The following TRPM1 variants were observed in gnomAD, a reference collection of about 807,000 sequenced individuals.
TRPM1 encodes the protein TRPM1-203 APA Isoform, Intron 10.
TRPM1 carries 113 observed loss-of-function variants against 149.4 expected under a neutral mutation model. That is an observed-to-expected ratio of 0.76 (90% confidence interval 0.65 to 0.88). The LOEUF is 0.88. Ranked by LOEUF, TRPM1 falls within the 40% of genes least tolerant of loss-of-function variation. The probability of loss-of-function intolerance (pLI) is 0.00; values close to 1 mark genes in which losing one functional copy is unlikely to be tolerated. For missense variants in TRPM1, 1,976 were observed against 2,038.7 expected, an observed-to-expected ratio of 0.97 and a Z score of 0.59; for synonymous variants, 741 against 759.5, an observed-to-expected ratio of 0.98 and a Z score of 0.40.
chr15:31,155,323 G>T (rs534628493), intron 1 of TRPM1, among the ~76,000 whole-genome samples: 1 of 151,842 alleles, frequency 6.6e-6, no homozygotes, highest in South Asian at 2.1e-4. Flanking sequence ...AGACTGCAGT[G>T]GGGGAGCTTG....
At chr15:31,072,000 TATATATATATATATATATAGAGAGAGAG>T (rs1444109976) in intron 3 of TRPM1, among the ~76,000 whole-genome samples, 4 of 64,116 alleles carry the variant, frequency 6.2e-5, no homozygotes, top group East Asian at 6.5e-4. Flanking sequence ...TATATATATA[TATATATATATATATATATAGAGAGAGAG>T]AGAGAGAGAG....
At chr15:31,005,402 C>T (rs1056039269) in intron 27 of TRPM1, among the ~76,000 whole-genome samples, 2 of 152,112 alleles carry the variant, frequency 1.3e-5, no homozygotes, top group African/African-American at 4.8e-5. Context: ...GAAAAACAAA[C>T]CTCAAAGTCA....
At chr15:31,112,232 C>T (rs2035699977) in intron 1 of TRPM1, among the ~76,000 whole-genome samples, 1 of 152,062 alleles carries the variant, frequency 6.6e-6, no homozygotes, top group African/African-American at 2.4e-5. Flanking sequence ...GCCTGTAATC[C>T]CTTTAGGAGG....
chr15:31,119,839 G>A (rs1009777517), intron 1 of TRPM1, among the ~76,000 whole-genome samples: 6 of 152,052 alleles, frequency 3.9e-5, no homozygotes, highest in Non-Finnish European at 7.4e-5. Context: ...GCAAACTCTA[G>A]AGCAACCACT....
At position 31,002,948 on chromosome 15, in the gene TRPM1, T is replaced by G. The variant is rs17227996; in HGVS notation, c.3752A>C (p.Asn1251Thr). The G allele has an allele frequency of 0.052, 83,183 of 1,601,860 alleles. 2,567 individuals are homozygous for G. Among genetic ancestry groups the G allele is most frequent in the Non-Finnish European group, 0.061 (71,529 of 1,172,604 alleles). ...GATTCCCGCAAGATTTTCAAGAGCA[T>G]TCACCATTCTGTTAGATAATTCTTC... is the stretch of plus-strand genomic sequence containing the variant. Reference protein sequence around the residue: ...QLEELSNRMVNALENLAGIDR... With the variant: ...QLEELSNRMVTALENLAGIDR... Residue 1251 changes from asparagine to threonine, a missense_variant, in exon 28 of 28, where the codon AAT (asparagine) becomes ACT (threonine). Around this residue, in one of 3 missense-constraint regions of TRPM1, gnomAD observed 572 missense variants for 578.9 expected, o/e 0.99. Transcript: ENST00000256552.
chr15:31,037,698 G>A lies in TRPM1; in HGVS notation c.2571+13C>T. 6.2e-7 allele frequency: 1 copy of A among 1,614,142 alleles called. No homozygotes were observed. Among genetic ancestry groups the A allele is most frequent in the Non-Finnish European group, 8.5e-7 (1 of 1,180,020 alleles). On this transcript the variant is annotated intron_variant, in intron 20 of 27. Transcript: ENST00000256552. ...AATATACTGAATGTCAAATGTTCAG[G>A]AGGAGGCCTCACTGTGTAAAACCAG...
rs8023430 is a variant in TRPM1 at position 31,072,563 on chromosome 15, C to T, written c.84-2337G>A. Among the ~76,000 whole-genome samples the T allele has an allele frequency of 9.1e-3, 1,378 of 152,194 alleles. 20 individuals carry two copies. Among genetic ancestry groups the T allele is most frequent in the African/African-American group, 0.031 (1,301 of 41,530 alleles). ...CTAGGCATGGGATTGCTGGGTCATACGGTTACTCTATGTTTAATCTTCTGA... is the reference window on the plus strand; with the variant it reads ...CTAGGCATGGGATTGCTGGGTCATATGGTTACTCTATGTTTAATCTTCTGA... On this transcript the variant is annotated intron_variant, in intron 3 of 27. Transcript: ENST00000256552.
chr15:31,014,369 T>G (rs2032286078), intron 27 of TRPM1, among the ~76,000 whole-genome samples: 2 of 152,194 alleles, frequency 1.3e-5, no homozygotes, highest in Admixed American at 6.5e-5. Context: ...GCCCTGTAAT[T>G]ACAAAACAAG....
intron 3 of TRPM1, among the ~76,000 whole-genome samples, chr15:31,073,585 A>T (rs2034615524): frequency 6.6e-6 from 1 of 152,020 alleles, no homozygotes; most frequent in Admixed American, 6.5e-5. Context: ...CTCATTTATT[A>T]GTTCTAATAT....
intron 3 of TRPM1, chr15:31,070,430 C>A (rs769320786): frequency 1.4e-6 from 1 of 706,012 alleles, no homozygotes; most frequent in Non-Finnish European, 2.6e-6. Context: ...ATATGCCAGT[C>A]GATTTTAGAC....
chr15:31,015,768 A>C (rs1043118106), intron 27 of TRPM1, among the ~76,000 whole-genome samples: 1 of 152,118 alleles, frequency 6.6e-6, no homozygotes, highest in African/African-American at 2.4e-5. Context: ...ATGTAGCTTT[A>C]ACTCTTTCCT....
At chr15:31,076,876 T>C in intron 3 of TRPM1, 29 bp downstream of exon 3, 2 of 1,501,476 alleles carry the variant, frequency 1.3e-6, no homozygotes, top group Non-Finnish European at 1.9e-6. Flanking sequence ...CTGGTTTGGA[T>C]AATGTCTTAA....
upstream of TRPM1, among the ~76,000 whole-genome samples, chr15:31,104,503 C>T (rs1298930983): frequency 6.6e-6 from 1 of 151,108 alleles, no homozygotes; most frequent in Non-Finnish European, 1.5e-5. Context: ...TGTTAGGAGA[C>T]ATCTCTTTTG....
intron 11 of TRPM1, among the ~76,000 whole-genome samples, chr15:31,059,450 G>A (rs1176565910): frequency 6.6e-6 from 1 of 152,190 alleles, no homozygotes; most frequent in Non-Finnish European, 1.5e-5. Flanking sequence ...CTCTCACCCA[G>A]GCTGTAGTGT....
chr15:31,096,727 C>T (rs571522977), intron 1 of TRPM1, among the ~76,000 whole-genome samples: 9 of 152,312 alleles, frequency 5.9e-5, no homozygotes, highest in African/African-American at 1.9e-4. Flanking sequence ...TCTCCTTTCC[C>T]GATGTTCTCT....
chr15:31,096,120 A>G (rs1273595631), intron 1 of TRPM1, among the ~76,000 whole-genome samples: 1 of 150,174 alleles, frequency 6.7e-6, no homozygotes, highest in Non-Finnish European at 1.5e-5. Flanking sequence ...AAAAGAAGAA[A>G]CGAAGGGAAG....
At chr15:31,116,316 C>A (rs1488198727) in intron 1 of TRPM1, among the ~76,000 whole-genome samples, 1 of 152,268 alleles carries the variant, frequency 6.6e-6, no homozygotes, top group East Asian at 1.9e-4. Flanking sequence ...CTAATTACAG[C>A]ATTCTAAAGT....
At chr15:31,149,526 C>CTTT (rs770015508) in intron 1 of TRPM1, among the ~76,000 whole-genome samples, 24 of 122,782 alleles carry the variant, frequency 2.0e-4, no homozygotes, top group Admixed American at 2.7e-4. Context: ...CTCTCTCTCT[C>CTTT]TTTTTTTTTT....
At chr15:31,024,592 G>C (rs1485147097) in intron 27 of TRPM1, among the ~76,000 whole-genome samples, 1 of 152,142 alleles carries the variant, frequency 6.6e-6, no homozygotes, top group Admixed American at 6.5e-5. Flanking sequence ...AATGCAATTT[G>C]GTAGTGACCT....
Sources: allele counts gnomAD v4.1 joint callset (sites outside exome capture counted in the v4.1 genomes callset), GRCh38; gene constraint gnomAD v4.1.1; regional missense constraint gnomAD v4.1.1; transcripts MANE v1.5; gene names NCBI Gene and HGNC (gene_info 2026-07-23, HGNC 2026-07-21).